Variants in CCSER1 observed in about 807,000 individuals in gnomAD.
CCSER1 encodes the protein coiled-coil serine rich protein 1.
Under a neutral mutation model 82.0 loss-of-function variants are expected in CCSER1, and 41 were observed. The observed-to-expected ratio is 0.50, with a 90% CI of 0.39 to 0.65. The LOEUF (loss-of-function observed/expected upper bound fraction) is 0.65, where lower values mean the gene tolerates loss of function less well. CCSER1 is among the 30% of genes least tolerant of loss of function. The pLI, the probability that CCSER1 is intolerant of heterozygous loss-of-function variation, is 0.00. For missense variants in CCSER1, 1,119 were observed against 1,064.2 expected, an observed-to-expected ratio of 1.05 and a Z score of -0.72; for synonymous variants, 414 against 383.9, an observed-to-expected ratio of 1.08 and a Z score of -0.92.
At chr4:90,461,301 T>A (rs1036938573) in intron 4 of CCSER1, among the ~76,000 whole-genome samples, 1 of 148,758 alleles carries the variant, frequency 6.7e-6, no homozygotes, top group African/African-American at 2.6e-5. Context: ...TCTCCTGACC[T>A]CGTGATCCGC....
intron 10 of CCSER1, among the ~76,000 whole-genome samples, chr4:91,485,276 C>A (rs766350039): frequency 6.6e-6 from 1 of 152,012 alleles, no homozygotes; most frequent in East Asian, 1.9e-4. Context: ...GAGGACAAAG[C>A]GATGATTTGG....
chr4:90,394,326 C>T (rs1181156360), intron 3 of CCSER1, among the ~76,000 whole-genome samples: 1 of 152,038 alleles, frequency 6.6e-6, no homozygotes. Context: ...ATCCCTAGAG[C>T]TTAGAAAATT....
chr4:91,437,980 G>A (rs1754790201), intron 10 of CCSER1, among the ~76,000 whole-genome samples: 1 of 152,192 alleles, frequency 6.6e-6, no homozygotes, highest in Non-Finnish European at 1.5e-5. Context: ...CAGCCAGGAA[G>A]CTCGAACTGG....
intron 10 of CCSER1, among the ~76,000 whole-genome samples, chr4:91,306,096 T>TG (rs1745056247): frequency 1.3e-5 from 2 of 151,158 alleles, no homozygotes; most frequent in Non-Finnish European, 2.9e-5. Context: ...TGTGTGTGTG[T>TG]ATACGAAAAA....
chr4:90,309,582 A>C lies in CCSER1; in HGVS notation c.1298A>C (p.His433Pro). 1 of 1,599,134 alleles carries C rather than the reference A, an allele frequency of 6.3e-7. No homozygotes were observed. ...CATCATATTTTTAACAAAACATCAC[A>C]TGGATATGAAGCAAATCCTGCCAAA... is the stretch of plus-strand genomic sequence containing the variant. ...GDHHIFNKTSHGYEANPAKVL... is the reference protein window; with the variant it reads ...GDHHIFNKTSPGYEANPAKVL... Residue 433 changes from histidine to proline, a missense_variant, in exon 2 of 11, where the codon CAT (histidine) becomes CCT (proline). By Grantham distance (77) the His-to-Pro change is moderately conservative (BLOSUM62 -2). Transcript: ENST00000509176.
intron 10 of CCSER1, among the ~76,000 whole-genome samples, chr4:91,428,816 C>A (rs188692434): frequency 6.6e-6 from 1 of 151,918 alleles, no homozygotes; most frequent in African/African-American, 2.4e-5. Flanking sequence ...GAAATTCAAT[C>A]GAATGAAAAG....
rs138397342 is a variant in CCSER1 at position 91,358,394 on chromosome 4, GT to G, written c.2218-240162del. Among the ~76,000 whole-genome samples the G allele has an allele frequency of 3.4e-3, 351 of 102,282 alleles. 4 individuals carry two copies. The highest frequency in any genetic ancestry group is 1.7e-3 in the Admixed American group (16 of 9,470). 67.1% of individuals were successfully genotyped at this position (102,282 alleles called of 152,430 possible). A position where few individuals can be genotyped will look rare whatever the true frequency, so the allele number is the denominator to read the frequency against. On this transcript the variant is annotated intron_variant, in intron 10 of 10. Coordinates refer to ENST00000509176, the MANE Select transcript of CCSER1 (RefSeq NM_001145065.2). ...GCTTACTTTGTGCCTGACCCACGTT[GT>G]TTTTTTTTTTTTTTTCCCGAGACAA...
At chr4:90,435,465 A>G (rs1377703493) in intron 4 of CCSER1, among the ~76,000 whole-genome samples, 1 of 152,164 alleles carries the variant, frequency 6.6e-6, no homozygotes, top group African/African-American at 2.4e-5. Flanking sequence ...AACTAAATGA[A>G]TTAACTCCAA....
At chr4:91,286,499 G>A (rs72877087) in intron 10 of CCSER1, among the ~76,000 whole-genome samples, 2,647 of 151,726 alleles carry the variant, frequency 0.017, 82 homozygotes, top group African/African-American at 0.06. Flanking sequence ...TTTCCGATGG[G>A]TTTATGTTTT....
chr4:91,120,436 T>A (rs184443481), intron 10 of CCSER1, among the ~76,000 whole-genome samples: 1 of 152,130 alleles, frequency 6.6e-6, no homozygotes, highest in Admixed American at 6.5e-5. Flanking sequence ...TCTTAGAGAT[T>A]ACTTCAGTAT....
intron 8 of CCSER1, among the ~76,000 whole-genome samples, chr4:90,850,001 C>G (rs1763672384): frequency 6.6e-6 from 1 of 152,064 alleles, no homozygotes; most frequent in Non-Finnish European, 1.5e-5. Flanking sequence ...ACAGGGACAC[C>G]CTGCTCTGTG....
intron 8 of CCSER1, among the ~76,000 whole-genome samples, chr4:90,923,091 T>C (rs564175395): frequency 6.6e-6 from 1 of 152,340 alleles, no homozygotes; most frequent in Non-Finnish European, 1.5e-5. Flanking sequence ...CATAGACATT[T>C]GGTCTTGGAT....
chr4:90,407,801 G>A (rs1753965206), intron 4 of CCSER1, among the ~76,000 whole-genome samples: 1 of 152,124 alleles, frequency 6.6e-6, no homozygotes, highest in Admixed American at 6.5e-5. Flanking sequence ...GACAGTGGGT[G>A]TGGCGCACCC....
intron 10 of CCSER1, among the ~76,000 whole-genome samples, chr4:91,386,757 T>A (rs1411387487): frequency 6.6e-6 from 1 of 152,034 alleles, no homozygotes; most frequent in Non-Finnish European, 1.5e-5. Context: ...GCACACAGCG[T>A]CTCTTATGTA....
chr4:91,562,475 G>C (rs1762697950), intron 10 of CCSER1, among the ~76,000 whole-genome samples: 1 of 151,402 alleles, frequency 6.6e-6, no homozygotes, highest in Non-Finnish European at 1.5e-5. Context: ...TTCTTTCCAT[G>C]TTCTACCTCT....
intron 5 of CCSER1, among the ~76,000 whole-genome samples, chr4:90,617,272 C>T (rs377756555): frequency 3.9e-4 from 60 of 152,096 alleles, no homozygotes; most frequent in African/African-American, 1.4e-3. Context: ...GGGCAGTTAT[C>T]TCTGAAGAGG....
intron 1 of CCSER1, among the ~76,000 whole-genome samples, chr4:90,265,441 G>A (rs1333703993): frequency 6.6e-6 from 1 of 151,640 alleles, no homozygotes; most frequent in Non-Finnish European, 1.5e-5. Flanking sequence ...ATTAGGACTG[G>A]TTAATATTTT....
intron 9 of CCSER1, among the ~76,000 whole-genome samples, chr4:91,001,311 A>G (rs1269640942): frequency 6.6e-6 from 1 of 152,106 alleles, no homozygotes; most frequent in Admixed American, 6.6e-5. Flanking sequence ...TTAGTTTCCT[A>G]ATATTTCTTT....
chr4:90,474,816 T>C (rs746525424), intron 5 of CCSER1, among the ~76,000 whole-genome samples: 15 of 152,180 alleles, frequency 9.9e-5, no homozygotes, highest in Non-Finnish European at 2.1e-4. Flanking sequence ...TTATGAACCT[T>C]GGCAAGTTAA....
Sources: gnomAD v4.1 joint callset for allele counts (sites outside exome capture counted in the v4.1 genomes callset) on GRCh38, gnomAD v4.1.1 for gene constraint, MANE v1.5 for transcripts, NCBI Gene and HGNC (gene_info 2026-07-23, HGNC 2026-07-21) for gene names.